The following ERICH2 variants were observed in gnomAD, a reference collection of about 807,000 sequenced individuals.
ERICH2 encodes the protein glutamate-rich protein 2.
ERICH2 carries 17 observed loss-of-function variants against 17.4 expected under a neutral mutation model. The ratio of observed to expected loss-of-function variants is 0.98; its 90% CI spans 0.67 to 1.47. The LOEUF (loss-of-function observed/expected upper bound fraction) is 1.47. Among genes scored for constraint, ERICH2 ranks in the 40% most tolerant of loss-of-function variants. The probability of loss-of-function intolerance (pLI) is 0.00; values close to 1 mark genes in which losing one functional copy is unlikely to be tolerated. For synonymous variants in ERICH2, 51 were observed against 61.1 expected, an observed-to-expected ratio of 0.83 and a Z score of 0.77; for missense variants, 186 against 183.2, an observed-to-expected ratio of 1.01 and a Z score of -0.09.
At chr2:170,793,072 T>G (rs1446309963) in intron 3 of ERICH2, among the ~76,000 whole-genome samples, 152 bp downstream of exon 8, 1 of 152,246 alleles carries the variant, frequency 6.6e-6, no homozygotes, top group Non-Finnish European at 1.5e-5. Flanking sequence ...TTGATTGGTA[T>G]AAGTACTAAT....
chr2:170,781,189 C>T (rs1701017160), upstream of ERICH2, among the ~76,000 whole-genome samples: 1 of 152,068 alleles, frequency 6.6e-6, no homozygotes, highest in African/African-American at 2.4e-5. Context: ...GTTCTGGATT[C>T]ACATTTCCAT....
At chr2:170,798,158 C>T (rs757633581) in intron 4 of ERICH2, 46 bp downstream of exon 9, 1 of 1,240,868 alleles carries the variant, frequency 8.1e-7, no homozygotes, top group South Asian at 1.3e-5. Flanking sequence ...GAACTATAAG[C>T]AGTCACTTTA....
intron 2 of ERICH2, among the ~76,000 whole-genome samples, chr2:170,788,475 T>TTTTA (rs1553567870): frequency 3.3e-5 from 5 of 151,440 alleles, no homozygotes; most frequent in Admixed American, 3.3e-4. Flanking sequence ...CAATTTTTAA[T>TTTTA]TTTTATTTTA....
intron 1 of ERICH2, 110 bp from the exon 7 acceptor site, chr2:170,784,534 TTA>T (rs1701105182): frequency 3.7e-6 from 2 of 537,108 alleles, no homozygotes; most frequent in Middle Eastern, 5.2e-4. Flanking sequence ...GTTATGATAA[TTA>T]TGTTACTTTT....
At chr2:170,796,440 G>GATTT (rs1553569093) in intron 3 of ERICH2, among the ~76,000 whole-genome samples, 14 of 83,468 alleles carry the variant, frequency 1.7e-4, no homozygotes, top group Admixed American at 1.1e-3. Context: ...TTTTTTTTTT[G>GATTT]TTTTTTTTTT....
the ERICH2 span, among the ~76,000 whole-genome samples, chr2:170,772,784 G>A: frequency 1.3e-5 from 2 of 152,202 alleles, no homozygotes; most frequent in Non-Finnish European, 2.9e-5. Context: ...TCTCACCAGA[G>A]TTGCAGGGCT....
At chr2:170,783,828 G>T in exon 1 of ERICH2, 1 of 1,550,524 alleles carries the variant, frequency 6.4e-7, no homozygotes, top group Non-Finnish European at 8.7e-7. Flanking sequence ...AGTCAGGGTG[G>T]TTGTGAGCTG....
chr2:170,784,566 G>T (rs1392585292), intron 1 of ERICH2, 80 bp from the exon 7 acceptor site: 1 of 683,004 alleles, frequency 1.5e-6, no homozygotes, highest in Non-Finnish European at 2.3e-6. Flanking sequence ...TCAGTTTAAT[G>T]AATAGTAATA....
chr2:170,776,463 C>T, the ERICH2 span, among the ~76,000 whole-genome samples: 1 of 152,106 alleles, frequency 6.6e-6, no homozygotes, highest in East Asian at 1.9e-4. Context: ...CTGCAACTTC[C>T]GCCTCCTGGG....
intron 2 of ERICH2, among the ~76,000 whole-genome samples, chr2:170,786,967 A>T (rs769973867): frequency 1.3e-5 from 2 of 152,048 alleles, no homozygotes; most frequent in Non-Finnish European, 2.9e-5. Flanking sequence ...ATTCTAGGTC[A>T]GTTTCTACTG....
At chr2:170,791,932 A>T (rs1701300889) in intron 2 of ERICH2, among the ~76,000 whole-genome samples, 1 of 152,190 alleles carries the variant, frequency 6.6e-6, no homozygotes, top group South Asian at 2.1e-4. Context: ...GGTCTCTTTC[A>T]TATTACTATA....
chr2:170,775,137 C>CTAAATA, the ERICH2 span, among the ~76,000 whole-genome samples: 145,321 of 151,810 alleles, frequency 0.96, 69,874 homozygotes, highest in South Asian at 1. Flanking sequence ...GAGGACTGCT[C>CTAAATA]TAAAGGTGGG....
upstream of ERICH2, among the ~76,000 whole-genome samples, chr2:170,779,301 T>G (rs1268211522): frequency 1.3e-5 from 2 of 152,146 alleles, no homozygotes; most frequent in Non-Finnish European, 2.9e-5. Context: ...GCAAGTGAGA[T>G]TTGCCAAAAG....
chr2:170,778,011 TTTC>T, the ERICH2 span: 55 of 231,332 alleles, frequency 2.4e-4, no homozygotes, highest in Non-Finnish European at 3.8e-4. Context: ...TTTCACAATA[TTTC>T]TTCAAGTGAA....
chr2:170,791,819 AAAATTTTTTTTAACCCATGGGAG>A (rs1266268403), intron 2 of ERICH2, among the ~76,000 whole-genome samples: 10 of 152,094 alleles, frequency 6.6e-5, no homozygotes, highest in African/African-American at 2.4e-4. Flanking sequence ...CATTAGAAAT[AAAATTTTTTTTAACCCATGGGAG>A]AAATTGAGAA....
upstream of ERICH2, chr2:170,782,211 GAAAAT>G (rs1674876353): frequency 6.5e-6 from 5 of 768,734 alleles, no homozygotes; most frequent in Non-Finnish European, 6.3e-6. Flanking sequence ...TATGACCTAA[GAAAAT>G]ATTTTTTCAC....
At chr2:170,797,988 C>G (rs1326825503) in intron 3 of ERICH2, 53 bp from the exon 9 acceptor site, 8 of 1,259,252 alleles carry the variant, frequency 6.4e-6, no homozygotes, top group African/African-American at 1.5e-5. Flanking sequence ...AGCCTGTTTG[C>G]TGCAACACTG....
chr2:170,796,440 GT>G (rs370083171), intron 3 of ERICH2, among the ~76,000 whole-genome samples: 12 of 83,452 alleles, frequency 1.4e-4, no homozygotes, highest in African/African-American at 4.4e-4. Context: ...TTTTTTTTTT[GT>G]TTTTTTTTTT....
At chr2:170,787,555 C>T (rs1243021153) in intron 2 of ERICH2, among the ~76,000 whole-genome samples, 2 of 152,212 alleles carry the variant, frequency 1.3e-5, no homozygotes, top group East Asian at 1.9e-4. Context: ...TCCACCTGCT[C>T]ATTCTAGTGA....
Sources: allele counts gnomAD v4.1 joint callset (sites outside exome capture counted in the v4.1 genomes callset), GRCh38; gene constraint gnomAD v4.1.1; transcripts MANE v1.5; gene names NCBI Gene and HGNC (gene_info 2026-07-23, HGNC 2026-07-21).